TTC5: variants seen among roughly 807,000 people sequenced by gnomAD.
TTC5 encodes the protein tetratricopeptide repeat protein 5.
TTC5 carries 46 observed loss-of-function variants against 57.4 expected under a neutral mutation model. That is an observed-to-expected ratio of 0.80 (90% CI 0.63 to 1.03). The LOEUF (loss-of-function observed/expected upper bound fraction) is 1.03, where lower values mean the gene tolerates loss of function less well. Ranked by LOEUF, TTC5 falls within the 50% of genes least tolerant of loss-of-function variation. TTC5 has a pLI of 0.00. For synonymous variants in TTC5, 190 were observed against 203.5 expected (o/e 0.93, Z 0.57); for missense variants, 504 against 528.1 (o/e 0.95, Z 0.45).
chr14:20,298,897 G>A lies in TTC5; in HGVS notation c.548-9C>T, dbSNP rs78047945. 674 of 1,578,526 alleles carry A rather than the reference G, an allele frequency of 4.3e-4. 6 individuals carry two copies. In the African/African-American group the frequency reaches 8.0e-3, roughly 19 times the overall value. ...TGAATTCCCAAGAATATCTGAAAGA[G>A]AAACACAGTGACAAATCATCTCAGA... On this transcript the variant is annotated splice_polypyrimidine_tract_variant and intron_variant, in intron 4 of 9. Coordinates refer to ENST00000258821, the MANE Select transcript of TTC5 (RefSeq NM_138376.3).
In TTC5 at chr14:20,298,827, G is replaced by C. The variant is rs764228262; in HGVS notation, c.609C>G (p.Ser203=). Residue 203 remains serine (S), a synonymous_variant, in exon 5 of 10, where the codon TCC becomes TCG. Transcript: ENST00000258821. ...GGGCATAGGCACTGAGGGCTTGCTGGGAGATCTTAGGGTTCTGGCCAGTAG... is the reference window on the plus strand; with the variant it reads ...GGGCATAGGCACTGAGGGCTTGCTGCGAGATCTTAGGGTTCTGGCCAGTAG... ...YFSTGQNPKI[S]QQALSAYAQA... is the part of the protein sequence containing the mutation. 1.9e-5 allele frequency: 30 copies of C among 1,613,836 alleles called. No homozygotes were observed. Among genetic ancestry groups the C allele is most frequent in the Non-Finnish European group, 2.5e-5 (30 of 1,179,862 alleles).
At chr14:20,294,907 C>A in intron 8 of TTC5, 1 of 188,536 alleles carries the variant, frequency 5.3e-6, no homozygotes, top group South Asian at 1.1e-4. Context: ...AATTATAACT[C>A]AAAGCTCACT....
chr14:20,286,395 T>C lies in TTC5; in HGVS notation c.*3232A>G, dbSNP rs1482174415. 6.6e-6 allele frequency: 1 copy of C among 152,096 alleles called. No homozygotes were observed. The highest frequency in any genetic ancestry group is 1.5e-5 in the Non-Finnish European group (1 of 68,022). The allele number at this position is 152,096 out of a possible 1,614,324, so 9.4% of individuals were successfully genotyped here. A position where few individuals can be genotyped will look rare whatever the true frequency, so the allele number is the denominator to read the frequency against. On this transcript the variant is annotated 3_prime_UTR_variant, in exon 10 of 10. Transcript: ENST00000258821. ...AAAGAAATGTAATTTATGCCTACTA[T>C]GTGATATTTTATAATCATCTGGTTG...
Position 20,289,701 on chromosome 14 carries a change from C to T in TTC5, c.1249G>A (p.Val417Met). ...SVRVETPLLL[V>M]VNGKPQGSSS... ...GATCCCTGAGGCTTCCCATTCACCA[C>T]TAGCAGGAGGGGCGTCTCCACTCGA... Residue 417 changes from valine (V) to methionine (M), a missense_variant, in exon 10 of 10, where the codon GTG (valine) becomes ATG (methionine). Physicochemically the swap from Val to Met is conservative, Grantham distance 21. Transcript: ENST00000258821. 1.2e-6 allele frequency: 2 copies of T among 1,613,908 alleles called. No individual in the cohort carries two copies. Among genetic ancestry groups the T allele is most frequent in the Non-Finnish European group, 1.7e-6 (2 of 1,179,868 alleles).
At chr14:20,297,299 G>C (rs75286392) in intron 5 of TTC5, among the ~76,000 whole-genome samples, 3,691 of 152,262 alleles carry the variant, frequency 0.024, 80 homozygotes, top group Non-Finnish European at 0.031. Flanking sequence ...CCACAAGACA[G>C]TGCAGACCAT....
At chr14:20,296,521 C>T in intron 5 of TTC5, 75 bp from the exon 6 acceptor site, 1 of 1,143,748 alleles carries the variant, frequency 8.7e-7, no homozygotes. Context: ...ATGTCCTACG[C>T]CTCCTCTTTC....
intron 8 of TTC5, 63 bp from the exon 9 acceptor site, chr14:20,292,190 G>A (rs11625081): frequency 0.19 from 244,927 of 1,263,048 alleles, 25,189 homozygotes; most frequent in Non-Finnish European, 0.21. Flanking sequence ...GGAAAGAAGA[G>A]CAGAAACAGT....
intron 8 of TTC5, chr14:20,293,849 A>G (rs1373320611): frequency 1.3e-5 from 2 of 152,230 alleles, no homozygotes; most frequent in African/African-American, 4.8e-5. Context: ...TTTACAGAGA[A>G]AGATTTAGGT....
At position 20,299,436 on chromosome 14, in the gene TTC5, CTT is replaced by C; in HGVS notation, c.407_408del (p.Lys136SerfsTer16). On this transcript the variant is annotated frameshift_variant, in exon 4 of 10. Coordinates refer to ENST00000258821, the MANE Select transcript of TTC5 (RefSeq NM_138376.3). LOFTEE classifies it high-confidence loss of function. Reference protein sequence around the residue: ...FSGALTHCRNKVSLQNLSMVL... With the variant: ...FSGALTHCRNXVSLQNLSMVL... ...ACCATTGACAGGTTTTGCAAGGAGA[CTT>C]TGTTCCTGCACTGCAAATAGGAAGG... The C allele has an allele frequency of 6.2e-7, 1 of 1,613,894 alleles. No individual in the cohort carries two copies. The highest frequency in any genetic ancestry group is 1.1e-5 in the South Asian group (1 of 91,078).
intron 3 of TTC5, 151 bp from the exon 4 acceptor site, chr14:20,299,599 G>A: frequency 2.4e-6 from 2 of 845,314 alleles, no homozygotes; most frequent in Admixed American, 4.4e-5. Context: ...TGTCACCCAG[G>A]CTGAAGTGCA....
chr14:20,305,791 G>C lies in TTC5; in HGVS notation c.51+96C>G, dbSNP rs370444429. On this transcript the variant is annotated intron_variant, in intron 1 of 9. Coordinates refer to ENST00000258821, the MANE Select transcript of TTC5 (RefSeq NM_138376.3). ...ACCACACAGACGCACGCAGCTTCGC[G>C]TGTGTGCCGAGGAATTCACGGGCAG... 117 of 1,235,256 alleles carry C rather than the reference G, an allele frequency of 9.5e-5. No homozygotes were observed. The African/African-American group carries it at 1.4e-3, about 15-fold the overall frequency. The allele number at this position is 1,235,256 out of a possible 1,614,324, so 76.5% of individuals were successfully genotyped here.
At chr14:20,296,049 T>C (rs931986239) in intron 6 of TTC5, among the ~76,000 whole-genome samples, 195 bp from the exon 7 acceptor site, 7 of 152,232 alleles carry the variant, frequency 4.6e-5, no homozygotes, top group African/African-American at 1.4e-4. Context: ...ACCCCAAAGA[T>C]GGAATCATTT....
chr14:20,293,276 G>A (rs1035433683), intron 8 of TTC5: 3 of 152,182 alleles, frequency 2.0e-5, no homozygotes, highest in East Asian at 1.9e-4. Flanking sequence ...TTAGCTATAT[G>A]TTTGAAAATT....
intron 8 of TTC5, chr14:20,293,544 A>G (rs1376869305): frequency 1.3e-5 from 2 of 152,262 alleles, no homozygotes; most frequent in African/African-American, 4.8e-5. Context: ...CAAAAGCTAC[A>G]TATAGTACCA....
chr14:20,305,819 C>T, intron 1 of TTC5, 68 bp downstream of exon 1: 1 of 1,475,710 alleles, frequency 6.8e-7, no homozygotes, highest in Non-Finnish European at 9.5e-7. Flanking sequence ...ACGGGCAGTA[C>T]ATAAACTGGA....
Position 20,296,411 on chromosome 14 carries a change from G to T in TTC5, c.675C>A (p.Asp225Glu). The T allele has an allele frequency of 6.2e-7, 1 of 1,613,204 alleles. No individual in the cohort carries two copies. Among genetic ancestry groups the T allele is most frequent in the Non-Finnish European group, 8.5e-7 (1 of 1,179,134 alleles). ...KVDRKASSNP[D>E]LHLNRATLHK... ...TTACCGTCGCCCTGTTCAGATGAAG[G>T]TCAGGATTGCTAGAAGCTTTTCTGT... Residue 225 changes from aspartate (D) to glutamate (E), a missense_variant, in exon 6 of 10, where the codon GAC becomes GAA. Asp to Glu is a conservative substitution (Grantham distance 45). Transcript: ENST00000258821.
chr14:20,290,156 A>G (rs577547675), intron 9 of TTC5, among the ~76,000 whole-genome samples: 1 of 152,340 alleles, frequency 6.6e-6, no homozygotes, highest in East Asian at 1.9e-4. Flanking sequence ...CCAAATGTTT[A>G]TAAGGTCCTA....
chr14:20,305,641 A>G (rs963967415), intron 1 of TTC5: 1 of 572,246 alleles, frequency 1.7e-6, no homozygotes, highest in Non-Finnish European at 3.1e-6. Flanking sequence ...ATGTACATGA[A>G]CAGTTAGGAG....
At chr14:20,300,141 A>ATGTGTG (rs1282022010) in intron 3 of TTC5, among the ~76,000 whole-genome samples, 2 of 27,490 alleles carry the variant, frequency 7.3e-5, no homozygotes, top group African/African-American at 1.0e-4. Flanking sequence ...CGTCTGGTCC[A>ATGTGTG]TGTATATATA....
Sources: allele counts gnomAD v4.1 joint callset (sites outside exome capture counted in the v4.1 genomes callset), GRCh38; gene constraint gnomAD v4.1.1; transcripts MANE v1.5; gene names NCBI Gene and HGNC (gene_info 2026-07-23, HGNC 2026-07-21).